The following NUP210L variants were observed in gnomAD, a reference collection of about 807,000 sequenced individuals.
NUP210L encodes nucleoporin 210 like.
A neutral mutation model predicts 208.5 loss-of-function variants in NUP210L; 74 were observed. That is an observed-to-expected ratio of 0.35 (90% CI 0.29 to 0.43). The LOEUF (loss-of-function observed/expected upper bound fraction) is 0.43. NUP210L is among the 20% of genes least tolerant of loss of function. The pLI is 1.00. For synonymous variants in NUP210L, 780 were observed against 816.9 expected (o/e 0.95, Z 0.77); for missense variants, 1,843 against 2,289.4 (o/e 0.81, Z 3.98).
chr1:154,154,743 C>T, intron 1 of NUP210L, 99 bp downstream of exon 1: 1 of 972,712 alleles, frequency 1.0e-6, no homozygotes, highest in South Asian at 1.4e-5. Flanking sequence ...CTTCACGCGG[C>T]CCCACACGGT....
chr1:154,042,784 A>C (rs1041586464), intron 27 of NUP210L, among the ~76,000 whole-genome samples: 1 of 150,696 alleles, frequency 6.6e-6, no homozygotes, highest in Non-Finnish European at 1.5e-5. Flanking sequence ...CCAGTGGTGC[A>C]ATCTCGGCTC....
intron 14 of NUP210L, among the ~76,000 whole-genome samples, chr1:154,098,808 C>T (rs1010955067): frequency 3.3e-5 from 5 of 152,124 alleles, no homozygotes; most frequent in Admixed American, 3.3e-4. Context: ...AAGGTAGGGC[C>T]TCACCAGATA....
At chr1:154,078,070 C>T (rs1408555027) in intron 16 of NUP210L, among the ~76,000 whole-genome samples, 3 of 150,698 alleles carry the variant, frequency 2.0e-5, no homozygotes, top group Admixed American at 1.3e-4. Context: ...TTTGGGAGGT[C>T]GAGGTGGGCG....
intron 16 of NUP210L, among the ~76,000 whole-genome samples, chr1:154,079,262 A>C (rs902006236): frequency 1.3e-5 from 2 of 152,138 alleles, no homozygotes; most frequent in African/African-American, 2.4e-5. Flanking sequence ...CTATCTCAAA[A>C]AAAAAGTAAA....
chr1:154,034,282 T>C lies in NUP210L; in HGVS notation c.3697-4228A>G, dbSNP rs150003728. Among the ~76,000 whole-genome samples the C allele has an allele frequency of 2.5e-3, 386 of 152,276 alleles. 2 individuals carry two copies. Among genetic ancestry groups the C allele is most frequent in the Non-Finnish European group, 4.1e-3 (277 of 68,024 alleles). On this transcript the variant is annotated intron_variant, in intron 27 of 39. Coordinates refer to ENST00000368559, the Ensembl canonical transcript of NUP210L. ...TATTAGTTCTCCTTTAAATGTTTGGTAAAATACAGCAATGAGACCATTAGG... is the reference window on the plus strand; with the variant it reads ...TATTAGTTCTCCTTTAAATGTTTGGCAAAATACAGCAATGAGACCATTAGG...
chr1:153,995,031 C>G, intron 38 of NUP210L, 45 bp downstream of exon 38: 4 of 1,113,550 alleles, frequency 3.6e-6, no homozygotes, highest in Admixed American at 2.4e-5. Flanking sequence ...AAAAAAAAGG[C>G]AGTTTTCATG....
chr1:154,101,726 T>C (rs1656479823), intron 13 of NUP210L, among the ~76,000 whole-genome samples: 1 of 151,798 alleles, frequency 6.6e-6, no homozygotes, highest in African/African-American at 2.4e-5. Flanking sequence ...ATCTAGAAAA[T>C]AGAAAGATTA....
intron 32 of NUP210L, among the ~76,000 whole-genome samples, chr1:154,019,620 A>G (rs1651446825): frequency 1.3e-5 from 2 of 152,064 alleles, no homozygotes; most frequent in South Asian, 4.2e-4. Flanking sequence ...CCTGTCAAAA[A>G]TATAGCTAAA....
At chr1:154,141,765 G>A (rs1658861496) in intron 3 of NUP210L, among the ~76,000 whole-genome samples, 1 of 152,144 alleles carries the variant, frequency 6.6e-6, no homozygotes, top group Admixed American at 6.6e-5. Context: ...ATTAACTTCT[G>A]GTTGACAATA....
intron 17 of NUP210L, among the ~76,000 whole-genome samples, chr1:154,062,384 A>G (rs908289740): frequency 6.6e-6 from 1 of 152,044 alleles, no homozygotes; most frequent in African/African-American, 2.4e-5. Flanking sequence ...CTACATTTAC[A>G]TGTCATGTAA....
chr1:154,126,368 A>G, exon 10 of NUP210L: 1 of 1,613,614 alleles, frequency 6.2e-7, no homozygotes, highest in Non-Finnish European at 8.5e-7. Flanking sequence ...CCACAACACC[A>G]TCTTTCAGGG....
At position 154,026,103 on chromosome 1, in the gene NUP210L, C is replaced by T. The variant is rs911704898; in HGVS notation, c.3948-387G>A. Among the ~76,000 whole-genome samples the T allele has an allele frequency of 1.1e-3, 170 of 151,370 alleles. 1 individual carries two copies. Among genetic ancestry groups the T allele is most frequent in the Middle Eastern group, 3.4e-3 (1 of 294 alleles). ...AAAAATTTTTAGCTGGGCATGATGG[C>T]GGGTGCCTGTAATCCCAGCTTCTCG... On this transcript the variant is annotated intron_variant, in intron 29 of 39. Coordinates refer to ENST00000368559, the Ensembl canonical transcript of NUP210L.
chr1:153,996,279 C>G (rs1162798163), intron 37 of NUP210L, among the ~76,000 whole-genome samples: 1 of 152,054 alleles, frequency 6.6e-6, no homozygotes, highest in Non-Finnish European at 1.5e-5. Context: ...GTGACAGAGC[C>G]AGACTCTATT....
At chr1:154,138,519 G>A (rs1658665127) in intron 5 of NUP210L, among the ~76,000 whole-genome samples, 1 of 152,128 alleles carries the variant, frequency 6.6e-6, no homozygotes, top group African/African-American at 2.4e-5. Flanking sequence ...ATGCTGAAAT[G>A]AGAAAAGGTA....
chr1:154,057,487 T>C (rs946802733), intron 22 of NUP210L, among the ~76,000 whole-genome samples: 6 of 152,026 alleles, frequency 3.9e-5, no homozygotes, highest in Admixed American at 6.6e-5. Context: ...ACTGGTAAAA[T>C]TGCAAATACT....
chr1:154,005,651 C>T (rs1301032880), intron 35 of NUP210L, among the ~76,000 whole-genome samples: 3 of 152,184 alleles, frequency 2.0e-5, no homozygotes, highest in African/African-American at 7.2e-5. Flanking sequence ...ATTCTCCTGC[C>T]TCAGCCTCCC....
chr1:154,134,984 G>A (rs1297712984), intron 7 of NUP210L, among the ~76,000 whole-genome samples: 1 of 150,956 alleles, frequency 6.6e-6, no homozygotes, highest in African/African-American at 2.4e-5. Flanking sequence ...GTGATCAGCC[G>A]GCCTCGGCCT....
At chr1:154,129,200 G>C in intron 8 of NUP210L, 77 bp downstream of exon 8, 1 of 813,584 alleles carries the variant, frequency 1.2e-6, no homozygotes, top group African/African-American at 1.7e-5. Flanking sequence ...GAAAGTTGAA[G>C]AAATGCTGTA....
intron 30 of NUP210L, among the ~76,000 whole-genome samples, chr1:154,025,302 C>CTCT (rs1385901695): frequency 2.7e-5 from 4 of 149,256 alleles, no homozygotes; most frequent in Admixed American, 1.3e-4. Flanking sequence ...CAAGACTGGC[C>CTCT]TCTTATAGGT....
Sources: gnomAD v4.1 joint callset for allele counts (sites outside exome capture counted in the v4.1 genomes callset) on GRCh38, gnomAD v4.1.1 for gene constraint, MANE v1.5 for transcripts, NCBI Gene and HGNC (gene_info 2026-07-23, HGNC 2026-07-21) for gene names.